The following SGK3 variants were observed in gnomAD, a reference collection of about 807,000 sequenced individuals.
SGK3 encodes serine/threonine-protein kinase Sgk3.
SGK3 carries 47 observed loss-of-function variants against 68.5 expected under a neutral mutation model. The ratio of observed to expected loss-of-function variants is 0.69; its 90% confidence interval spans 0.54 to 0.87. The LOEUF is 0.87. Ranked by LOEUF, SGK3 falls within the 40% of genes least tolerant of loss-of-function variation. The pLI, the probability that SGK3 is intolerant of heterozygous loss-of-function variation, is 0.00. For missense variants in SGK3, 479 were observed against 575.5 expected, an observed-to-expected ratio of 0.83 and a Z score of 1.72; for synonymous variants, 181 against 189.1, an observed-to-expected ratio of 0.96 and a Z score of 0.35.
intron 1 of SGK3, among the ~76,000 whole-genome samples, chr8:66,792,322 T>TCC (rs1334371685): frequency 1.6e-4 from 17 of 106,410 alleles, no homozygotes; most frequent in African/African-American, 5.0e-4. Context: ...AGAGCAAAAC[T>TCC]CCATCTCAAA....
At chr8:66,789,782 A>C (rs1214634536) in intron 1 of SGK3, among the ~76,000 whole-genome samples, 1 of 152,194 alleles carries the variant, frequency 6.6e-6, no homozygotes, top group South Asian at 2.1e-4. Context: ...GTGGCCGTTT[A>C]AAGGGTCACA....
In SGK3 at chr8:66,847,215, T is replaced by C; in HGVS notation, c.1097T>C (p.Val366Ala). Residue 366 changes from valine to alanine, a missense_variant, in exon 15 of 17, where the codon GTT becomes GCT. Val to Ala is a moderately conservative substitution (Grantham distance 64, BLOSUM62 0). Around this residue, in one of 3 missense-constraint regions of SGK3, gnomAD observed 173 missense variants for 214.3 expected, o/e 0.81. Transcript: ENST00000521198. ...CAGCCTCCTTTTTATTGCCGAGATG[T>C]TGCTGAAATGTATGACAATATCCTT... ...YGLPPFYCRD[V>A]AEMYDNILHK... The C allele has an allele frequency of 6.2e-7, 1 of 1,608,518 alleles. No individual in the cohort carries two copies. The highest frequency in any genetic ancestry group is 1.3e-5 in the African/African-American group (1 of 74,646).
At chr8:66,745,300 A>C (rs750977072) in intron 1 of SGK3, among the ~76,000 whole-genome samples, 100 of 152,278 alleles carry the variant, frequency 6.6e-4, no homozygotes, top group Admixed American at 1.2e-3. Flanking sequence ...GGCCAGGCAC[A>C]GTGGCTCACA....
At chr8:66,838,395 A>G (rs1402295203) in intron 10 of SGK3, among the ~76,000 whole-genome samples, 1 of 152,116 alleles carries the variant, frequency 6.6e-6, no homozygotes, top group African/African-American at 2.4e-5. Flanking sequence ...AAGAAAATTG[A>G]GGTTCGGAGA....
chr8:66,826,249 G>A (rs1022653873), intron 6 of SGK3, among the ~76,000 whole-genome samples: 1 of 152,080 alleles, frequency 6.6e-6, no homozygotes, highest in Non-Finnish European at 1.5e-5. Context: ...GGGATTACAG[G>A]TGTGAGCCAC....
chr8:66,859,427 T>A lies in SGK3; in HGVS notation c.1337T>A (p.Ile446Asn). Residue 446 changes from isoleucine to asparagine, a missense_variant, in exon 17 of 17, where the codon ATC (isoleucine) becomes AAC (asparagine). Coordinates refer to ENST00000521198, the MANE Select transcript of SGK3 (RefSeq NM_001033578.3). ...ATGTTTTAGGCTGGACCAGATGATATCAGAAACTTTGACACAGCATTTACA... is the reference window on the plus strand; with the variant it reads ...ATGTTTTAGGCTGGACCAGATGATAACAGAAACTTTGACACAGCATTTACA... ...FNPNVAGPDD[I>N]RNFDTAFTEE... is the part of the protein sequence containing the mutation. 1 of 1,608,772 alleles carries A rather than the reference T, an allele frequency of 6.2e-7. No homozygotes were observed. The highest frequency in any genetic ancestry group is 8.5e-7 in the Non-Finnish European group (1 of 1,176,478).
intron 1 of SGK3, among the ~76,000 whole-genome samples, chr8:66,782,365 G>A (rs1807023112): frequency 6.6e-6 from 1 of 150,602 alleles, no homozygotes; most frequent in South Asian, 2.1e-4. Context: ...AGCTAAATTA[G>A]GAAAGTACAG....
intron 2 of SGK3, among the ~76,000 whole-genome samples, chr8:66,796,601 A>G (rs555700689): frequency 2.6e-5 from 4 of 152,134 alleles, no homozygotes; most frequent in Admixed American, 2.0e-4. Context: ...CCCAGCCTTG[A>G]TAATATTTTT....
chr8:66,795,254 C>G (rs1386126125), intron 2 of SGK3, among the ~76,000 whole-genome samples: 1 of 152,210 alleles, frequency 6.6e-6, no homozygotes, highest in Non-Finnish European at 1.5e-5. Context: ...CCTCTGTCCT[C>G]TCTTCCTTAA....
rs745609968 is a variant in SGK3, at chr8:66,825,478, A to G, written c.417+3019A>G. Among the ~76,000 whole-genome samples, 64 of 151,688 alleles carry G rather than the reference A, an allele frequency of 4.2e-4. 1 individual carries two copies. The highest frequency in any genetic ancestry group is 2.2e-4 in the Non-Finnish European group (15 of 67,924). ...CGAGGAGCTGGGACTACAGACACCC[A>G]CTACCATGCCCGGCTAATTTTTTGT... On this transcript the variant is annotated intron_variant, in intron 6 of 16. Transcript: ENST00000521198.
At chr8:66,824,308 G>T (rs866612793) in intron 6 of SGK3, among the ~76,000 whole-genome samples, 1 of 151,966 alleles carries the variant, frequency 6.6e-6, no homozygotes, top group African/African-American at 2.4e-5. Context: ...CATACAAATG[G>T]GTTTTTGAAA....
At chr8:66,838,071 C>A (rs1201006604) in intron 10 of SGK3, among the ~76,000 whole-genome samples, 3 of 152,074 alleles carry the variant, frequency 2.0e-5, no homozygotes, top group Non-Finnish European at 4.4e-5. Flanking sequence ...AATTTTCTTT[C>A]TTATTTATTT....
At chr8:66,819,422 T>C (rs1451627263) in intron 5 of SGK3, among the ~76,000 whole-genome samples, 1 of 152,204 alleles carries the variant, frequency 6.6e-6, no homozygotes, top group Non-Finnish European at 1.5e-5. Flanking sequence ...TGCACAAAGA[T>C]TGTCAACTGC....
At chr8:66,822,854 C>G (rs1467503493) in intron 6 of SGK3, among the ~76,000 whole-genome samples, 7 of 152,136 alleles carry the variant, frequency 4.6e-5, no homozygotes, top group African/African-American at 9.7e-5. Flanking sequence ...CTCCTGACCT[C>G]AAATGATCCA....
chr8:66,821,985 AT>A (rs11398550), intron 5 of SGK3, among the ~76,000 whole-genome samples: 9 of 143,398 alleles, frequency 6.3e-5, no homozygotes, highest in Admixed American at 2.1e-4. Flanking sequence ...CTCTTTCCCT[AT>A]TTTTTTTTTT....
rs150290831 is a variant in SGK3, at chr8:66,806,459, T to C, written c.253+2012T>C. 3.1e-3 allele frequency among the ~76,000 whole-genome samples: 479 copies of C among 152,302 alleles called. 3 individuals are homozygous for C. The highest frequency in any genetic ancestry group is 0.011 in the African/African-American group (468 of 41,560). Reference sequence around the variant, plus strand: ...CACAACAAAGCCAGATTATATTCTGTAGACCTGTGGCTTTTGTACTCCTGC... The same window carrying C: ...CACAACAAAGCCAGATTATATTCTGCAGACCTGTGGCTTTTGTACTCCTGC... On this transcript the variant is annotated intron_variant, in intron 4 of 16. Transcript: ENST00000521198.
In SGK3 at chr8:66,798,466, G is replaced by T. The variant is rs1448600721; in HGVS notation, c.97-76G>T. 2.2e-6 allele frequency: 3 copies of T among 1,341,930 alleles called. No individual in the cohort carries two copies. The African/African-American group carries it at 4.4e-5, about 20-fold the overall frequency. The allele number at this position is 1,341,930 out of a possible 1,614,324, so 83.1% of individuals were successfully genotyped here. A position where few individuals can be genotyped will look rare whatever the true frequency, so the allele number is the denominator to read the frequency against. ...CAAAAAAAAAAAAAAATTAAAACAG[G>T]TTTCATGTATTTAAGTAGCTAATGG... On this transcript the variant is annotated intron_variant, in intron 2 of 16. Coordinates refer to ENST00000521198, the MANE Select transcript of SGK3 (RefSeq NM_001033578.3).
intron 16 of SGK3, among the ~76,000 whole-genome samples, chr8:66,854,935 G>T (rs1810446973): frequency 6.6e-6 from 1 of 151,894 alleles, no homozygotes; most frequent in South Asian, 2.1e-4. Context: ...GATTTTTTGA[G>T]CCCAGGAGTT....
chr8:66,757,606 T>A (rs73260193), intron 1 of SGK3, among the ~76,000 whole-genome samples: 3,306 of 145,922 alleles, frequency 0.023, 47 homozygotes, highest in Non-Finnish European at 0.031. Context: ...TGATAAATTT[T>A]AAAAAAAAAA....
Sources: allele counts gnomAD v4.1 joint callset (sites outside exome capture counted in the v4.1 genomes callset), GRCh38; gene constraint gnomAD v4.1.1; regional missense constraint gnomAD v4.1.1; transcripts MANE v1.5; gene names NCBI Gene and HGNC (gene_info 2026-07-23, HGNC 2026-07-21).